The following WWOX variants were observed in gnomAD, a reference collection of about 807,000 sequenced individuals.
WWOX encodes WW domain containing oxidoreductase, also known as WW domain-containing oxidoreductase.
Under a neutral mutation model 46.2 loss-of-function variants are expected in WWOX, and 69 were observed. The observed-to-expected ratio is 1.49, with a 90% CI of 1.23 to 1.82. The LOEUF (loss-of-function observed/expected upper bound fraction) is 1.82. Ranked by LOEUF, WWOX falls within the 40% of genes most tolerant of loss-of-function variation. The probability of loss-of-function intolerance (pLI) is 0.00; values close to 1 mark genes in which losing one functional copy is unlikely to be tolerated. For missense variants in WWOX, 919 were observed against 542.6 expected, an observed-to-expected ratio of 1.69 and a Z score of -6.89; for synonymous variants, 359 against 202.6, an observed-to-expected ratio of 1.77 and a Z score of -6.56.
At chr16:78,545,420 G>T (rs1357336861) in intron 8 of WWOX, among the ~76,000 whole-genome samples, 3 of 152,100 alleles carry the variant, frequency 2.0e-5, no homozygotes, top group African/African-American at 7.2e-5. Context: ...ATTTCATTAT[G>T]TTGCCCAGGT....
At chr16:78,636,079 G>T (rs907104195) in intron 8 of WWOX, among the ~76,000 whole-genome samples, 3 of 152,160 alleles carry the variant, frequency 2.0e-5, no homozygotes, top group Admixed American at 1.3e-4. Flanking sequence ...AGAGACATCT[G>T]CACTCTAGTA....
At chr16:78,118,214 C>CTG (rs2032908961) in intron 4 of WWOX, among the ~76,000 whole-genome samples, 1 of 151,782 alleles carries the variant, frequency 6.6e-6, no homozygotes, top group East Asian at 1.9e-4. Flanking sequence ...TCATCATTTT[C>CTG]CTCTCTGCAG....
At chr16:78,163,410 G>A (rs980184899) in intron 4 of WWOX, among the ~76,000 whole-genome samples, 6 of 152,176 alleles carry the variant, frequency 3.9e-5, no homozygotes, top group Admixed American at 1.3e-4. Context: ...TGTGTTTACC[G>A]TGGCCCTTTC....
intron 8 of WWOX, among the ~76,000 whole-genome samples, chr16:78,975,134 T>A (rs1337568505): frequency 2.6e-5 from 4 of 152,186 alleles, no homozygotes; most frequent in Non-Finnish European, 5.9e-5. Flanking sequence ...TAAAAGATAC[T>A]CCAGTCCTTA....
At chr16:78,661,003 C>A (rs983743006) in intron 8 of WWOX, among the ~76,000 whole-genome samples, 2 of 152,032 alleles carry the variant, frequency 1.3e-5, no homozygotes, top group South Asian at 4.2e-4. Context: ...GAAGTTAGAT[C>A]CATGTCTTAC....
chr16:78,544,708 C>G (rs1343469334), intron 8 of WWOX, among the ~76,000 whole-genome samples: 1 of 152,010 alleles, frequency 6.6e-6, no homozygotes, highest in Admixed American at 6.6e-5. Flanking sequence ...CCATCCATCT[C>G]TACAAAAAAT....
At chr16:79,157,216 A>G (rs539920059) in intron 8 of WWOX, among the ~76,000 whole-genome samples, 3 of 152,344 alleles carry the variant, frequency 2.0e-5, no homozygotes, top group Admixed American at 1.3e-4. Flanking sequence ...GGATGAGCCA[A>G]AAAGACAAAA....
At chr16:79,170,109 T>G (rs1385006478) in intron 8 of WWOX, among the ~76,000 whole-genome samples, 1 of 152,194 alleles carries the variant, frequency 6.6e-6, no homozygotes, top group Non-Finnish European at 1.5e-5. Context: ...CAGGAGTATT[T>G]TTCATCATCT....
chr16:78,414,697 C>G (rs1444792322), intron 6 of WWOX, among the ~76,000 whole-genome samples: 1 of 152,188 alleles, frequency 6.6e-6, no homozygotes, highest in Non-Finnish European at 1.5e-5. Context: ...GGAATAACGG[C>G]TGGTAATTAT....
intron 8 of WWOX, among the ~76,000 whole-genome samples, chr16:78,920,826 G>C (rs187616420): frequency 3.2e-4 from 48 of 152,298 alleles, no homozygotes; most frequent in Non-Finnish European, 4.4e-4. Flanking sequence ...CCTGGCTTTG[G>C]CTGTTGTGAG....
At chr16:78,740,692 C>T (rs914702148) in intron 8 of WWOX, among the ~76,000 whole-genome samples, 5 of 152,136 alleles carry the variant, frequency 3.3e-5, no homozygotes, top group Middle Eastern at 3.4e-3. Context: ...GCCAGTTGGC[C>T]GATTGAAGCG....
intron 5 of WWOX, among the ~76,000 whole-genome samples, chr16:78,314,147 C>A (rs2080306229): frequency 1.3e-5 from 2 of 152,062 alleles, no homozygotes; most frequent in South Asian, 4.2e-4. Flanking sequence ...TGGCTGACGC[C>A]TGGAATCCCA....
chr16:78,509,297 G>A (rs930080534), intron 8 of WWOX, among the ~76,000 whole-genome samples: 9 of 152,106 alleles, frequency 5.9e-5, no homozygotes, highest in Admixed American at 2.6e-4. Flanking sequence ...AAAGTTAGCC[G>A]AGCGTGATGG....
chr16:79,166,930 T>G (rs1438794395), intron 8 of WWOX, among the ~76,000 whole-genome samples: 6 of 152,114 alleles, frequency 3.9e-5, no homozygotes, highest in African/African-American at 1.4e-4. Context: ...AATTTCAACT[T>G]CATCATATAT....
chr16:79,039,257 G>T (rs2047926101), intron 8 of WWOX, among the ~76,000 whole-genome samples: 1 of 152,126 alleles, frequency 6.6e-6, no homozygotes. Context: ...AGGAATGACT[G>T]TCTTGGTGCA....
chr16:78,864,991 G>T (rs946112527), intron 8 of WWOX, among the ~76,000 whole-genome samples: 6 of 151,830 alleles, frequency 4.0e-5, no homozygotes, highest in African/African-American at 1.5e-4. Context: ...TTGAACTCCT[G>T]ACCTCAAGTG....
chr16:78,951,061 G>A (rs549667472), intron 8 of WWOX, among the ~76,000 whole-genome samples: 1 of 152,176 alleles, frequency 6.6e-6, no homozygotes, highest in Non-Finnish European at 1.5e-5. Flanking sequence ...ATGAGAAGAG[G>A]CCAGATGAGG....
At chr16:78,503,108 A>T (rs570267725) in intron 8 of WWOX, among the ~76,000 whole-genome samples, 51 of 152,282 alleles carry the variant, frequency 3.3e-4, no homozygotes, top group African/African-American at 1.1e-3. Context: ...GAGATTTATG[A>T]GGCCTAACTC....
chr16:79,195,175 G>A (rs1193403476), intron 8 of WWOX, among the ~76,000 whole-genome samples: 1 of 152,132 alleles, frequency 6.6e-6, no homozygotes, highest in Non-Finnish European at 1.5e-5. Context: ...ATTGTTTGTT[G>A]TAGGTTGGGT....
Sources: gnomAD v4.1 joint callset for allele counts (sites outside exome capture counted in the v4.1 genomes callset) on GRCh38, gnomAD v4.1.1 for gene constraint, MANE v1.5 for transcripts, NCBI Gene and HGNC (gene_info 2026-07-23, HGNC 2026-07-21) for gene names.